MMRN2: variants seen among roughly 807,000 people sequenced by gnomAD.
The protein encoded by MMRN2 is multimerin-2.
Under a neutral mutation model 68.8 loss-of-function variants are expected in MMRN2, and 53 were observed. The ratio of observed to expected loss-of-function variants is 0.77; its 90% CI spans 0.62 to 0.97. The LOEUF (loss-of-function observed/expected upper bound fraction) is 0.97. MMRN2 is among the 50% of genes least tolerant of loss of function. MMRN2 has a pLI of 0.00. For missense variants in MMRN2, 1,266 were observed against 1,259.5 expected (o/e 1.01, Z -0.08); for synonymous variants, 564 against 551.6 (o/e 1.02, Z -0.32).
Position 86,936,611 on chromosome 10 carries a change from A to T in MMRN2, c.*132T>A. On this transcript the variant is annotated 3_prime_UTR_variant, in exon 7 of 7. Transcript: ENST00000372027. Reference sequence around the variant, plus strand: ...TGGTTACAGGGAAGCCACGTACACCACACCATCTTTGCAGAAGGTTTCCAG... The same window carrying T: ...TGGTTACAGGGAAGCCACGTACACCTCACCATCTTTGCAGAAGGTTTCCAG... The T allele has an allele frequency of 8.6e-7, 1 of 1,159,616 alleles. No individual in the cohort carries two copies. The highest frequency in any genetic ancestry group is 1.2e-6 in the Non-Finnish European group (1 of 810,712). 71.8% of individuals were successfully genotyped at this position (1,159,616 alleles called of 1,614,324 possible). A position where few individuals can be genotyped will look rare whatever the true frequency, so the allele number is the denominator to read the frequency against.
chr10:86,936,995 C>A lies in MMRN2; in HGVS notation c.2598G>T (p.Glu866Asp). 1.9e-6 allele frequency: 3 copies of A among 1,614,246 alleles called. No individual in the cohort carries two copies. The highest frequency in any genetic ancestry group is 1.7e-5 in the Admixed American group (1 of 60,030). The change falls in exon 7 of 7, where the codon GAG (glutamate) becomes GAT (aspartate). Residue 866 changes from glutamate (E) to aspartate (D), a missense_variant. Glu to Asp is a conservative substitution (Grantham distance 45). Transcript: ENST00000372027. Reference sequence around the variant, plus strand: ...TCACTGCAAACAGGTAGACACCACGCTCAGGGGCTCGGAAGTAGCCATGTT... The same window carrying A: ...TCACTGCAAACAGGTAGACACCACGATCAGGGGCTCGGAAGTAGCCATGTT... ...FPEHGYFRAP[E>D]RGVYLFAVSV...
Position 86,943,976 on chromosome 10 carries a change from G to A in MMRN2, c.808C>T (p.Arg270Cys), listed in dbSNP as rs761816310. 1.2e-5 allele frequency: 20 copies of A among 1,614,008 alleles called. No homozygotes were observed. The East Asian group carries it at 3.1e-4, about 25-fold the overall frequency. Residue 270 changes from arginine (R) to cysteine (C), a missense_variant, in exon 6 of 7, where the codon CGC (arginine) becomes TGC (cysteine). Transcript: ENST00000372027. This position sits in a 1 kb window ranked among gnomAD's most constrained non-coding sequence, Gnocchi z 4.2. ...RNLSLDVEAN[R>C]QAISRVQDSA... ...TCCTGGACTCTGGAGATGGCCTGGC[G>A]GTTGGCCTCCACGTCAAGAGACAGG... is the stretch of plus-strand genomic sequence containing the variant.
In MMRN2 at chr10:86,939,806, GGTGTGTGT is replaced by G. The variant is rs769816445; in HGVS notation, c.2467+2503_2467+2510del. 1.7e-3 allele frequency among the ~76,000 whole-genome samples: 243 copies of G among 146,700 alleles called. 1 individual carries two copies. In the South Asian group the frequency reaches 0.034, roughly 20 times the overall value. Reference sequence around the variant, plus strand: ...TACAAACAAATAAAGGGAAATTTGGGGTGTGTGTGTGTGTGTGTGTGTGTGTGTGTGTT... The same window carrying G: ...TACAAACAAATAAAGGGAAATTTGGGGTGTGTGTGTGTGTGTGTGTGTGTT... On this transcript the variant is annotated intron_variant, in intron 6 of 6. Transcript: ENST00000372027.
At chr10:86,937,742 C>T (rs1159638020) in intron 6 of MMRN2, among the ~76,000 whole-genome samples, 5 of 152,126 alleles carry the variant, frequency 3.3e-5, no homozygotes, top group East Asian at 1.9e-4. Flanking sequence ...GACTCCCAGA[C>T]GACCACCACT....
In MMRN2 at chr10:86,953,654, C is replaced by T. The variant is rs548400747; in HGVS notation, c.164+3724G>A. Among the ~76,000 whole-genome samples the T allele has an allele frequency of 7.9e-5, 12 of 152,314 alleles. No individual in the cohort carries two copies. The South Asian group carries it at 1.9e-3, about 24-fold the overall frequency. ...GGGCCCAAAGATGCTGCCAAATACCCTACAATGCATAGGACATCTCCACAC... is the reference window on the plus strand; with the variant it reads ...GGGCCCAAAGATGCTGCCAAATACCTTACAATGCATAGGACATCTCCACAC... On this transcript the variant is annotated intron_variant, in intron 1 of 6. Coordinates refer to ENST00000372027, the MANE Select transcript of MMRN2 (RefSeq NM_024756.3).
rs1389687341 is a variant in MMRN2 at position 86,944,319 on chromosome 10, T to C, written c.598A>G (p.Lys200Glu). The C allele has an allele frequency of 1.1e-5, 17 of 1,613,752 alleles. No individual in the cohort carries two copies. Among genetic ancestry groups the C allele is most frequent in the Non-Finnish European group, 1.4e-5 (16 of 1,179,868 alleles). The change falls in exon 5 of 7, where the codon AAA becomes GAA. Residue 200 changes from lysine (K) to glutamate (E), a missense_variant. By Grantham distance (56) the Lys-to-Glu change is moderately conservative (BLOSUM62 1). Transcript: ENST00000372027. ...GCTGTGAGGTTACCAGGCAGGGCTT[T>C]CCACAGGCCTGGCAGGCTGTCTGCC... Reference protein sequence around the residue: ...RVADSLPGLWKALPGNLTAAV... With the variant: ...RVADSLPGLWEALPGNLTAAV...
In MMRN2 at chr10:86,943,005, G is replaced by T; in HGVS notation, c.1779C>A (p.His593Gln). 2 of 1,419,744 alleles carry T rather than the reference G, an allele frequency of 1.4e-6. No individual in the cohort carries two copies. The highest frequency in any genetic ancestry group is 1.8e-6 in the Non-Finnish European group (2 of 1,086,774). 87.9% of individuals were successfully genotyped at this position (1,419,744 alleles called of 1,614,324 possible). A position where few individuals can be genotyped will look rare whatever the true frequency, so the allele number is the denominator to read the frequency against. The change falls in exon 6 of 7, where the codon CAC becomes CAA. Residue 593 changes from histidine (H) to glutamine (Q), a missense_variant. His to Gln is a conservative substitution (Grantham distance 24, BLOSUM62 0). Transcript: ENST00000372027. The surrounding 1 kb of genome is among the most constrained non-coding windows in gnomAD (Gnocchi z 4.2). ...AEARHEVRQL[H>Q]SAFAALLEDA... ...CCTCCAGCAGGGCGGCGAAGGCGCT[G>T]TGCAGCTGGCGCACCTCGTGGCGGG...
At chr10:86,941,466 A>C (rs1344283018) in intron 6 of MMRN2, among the ~76,000 whole-genome samples, 1 of 152,150 alleles carries the variant, frequency 6.6e-6, no homozygotes, top group Non-Finnish European at 1.5e-5. Context: ...ATCTTATTGT[A>C]CTGTACTCAC....
chr10:86,954,562 A>G (rs73353629), intron 1 of MMRN2, among the ~76,000 whole-genome samples: 1,636 of 152,286 alleles, frequency 0.011, 32 homozygotes, highest in African/African-American at 0.037. Context: ...ACGCCCTCCC[A>G]GGGGCCCTCA....
rs1195574441 is a variant in MMRN2 at position 86,943,662 on chromosome 10, G to A, written c.1122C>T (p.Gly374=). The A allele has an allele frequency of 6.2e-7, 1 of 1,612,052 alleles. No individual in the cohort carries two copies. The highest frequency in any genetic ancestry group is 8.5e-7 in the Non-Finnish European group (1 of 1,179,988). ...PEPDSLQARL[G]QLQRNLSELH... The stretch of plus-strand genomic sequence containing the variant: ...GCTCTGAGAGGTTCCTCTGCAGCTG[G>A]CCCAGCCTGGCCTGCAGGCTGTCCG... Residue 374 remains glycine (G), a synonymous_variant, in exon 6 of 7, where the codon GGC becomes GGT. Transcript: ENST00000372027. This position sits in a 1 kb window ranked among gnomAD's most constrained non-coding sequence, Gnocchi z 4.2.
chr10:86,945,387 G>T lies in MMRN2; in HGVS notation c.383C>A (p.Pro128His), dbSNP rs867141071. The T allele has an allele frequency of 1.3e-6, 2 of 1,589,140 alleles. No homozygotes were observed. The highest frequency in any genetic ancestry group is 2.3e-5 in the South Asian group (2 of 88,392). Reference protein sequence around the residue: ...AWRCCPGYTGPNCEHHDSMAI... With the variant: ...AWRCCPGYTGHNCEHHDSMAI... ...AGCCCTACCGTGGTGCTCGCAGTTG[G>T]GGCCCGTGTAGCCAGGGCAGCACCT... The change falls in exon 3 of 7, where the codon CCC (proline) becomes CAC (histidine). Residue 128 changes from proline to histidine, a missense_variant. Physicochemically the swap from Pro to His is moderately conservative, Grantham distance 77. Transcript: ENST00000372027.
intron 1 of MMRN2, among the ~76,000 whole-genome samples, chr10:86,951,879 C>A (rs1385264897): frequency 6.6e-6 from 1 of 152,012 alleles, no homozygotes; most frequent in East Asian, 1.9e-4. Flanking sequence ...ACAACCCTGT[C>A]TCTACAAAAA....
At chr10:86,955,086 G>T (rs1012932427) in intron 1 of MMRN2, among the ~76,000 whole-genome samples, 1 of 152,220 alleles carries the variant, frequency 6.6e-6, no homozygotes, top group African/African-American at 2.4e-5. Context: ...GGGGGGACAG[G>T]ACAGCCTGGG....
Position 86,942,295 on chromosome 10 carries a change from TCTCCC to T in MMRN2, c.2467+17_2467+21del. On this transcript the variant is annotated intron_variant, in intron 6 of 6. Transcript: ENST00000372027. ...GCCCTGGCCTCCTAGGCTCGTCCAG[TCTCCC>T]CAGCCCAGGAACTCACCTGCCTCCC... 6.3e-7 allele frequency: 1 copy of T among 1,580,180 alleles called. No individual in the cohort carries two copies. Among genetic ancestry groups the T allele is most frequent in the East Asian group, 2.3e-5 (1 of 44,360 alleles).
At chr10:86,938,354 T>A (rs959857884) in intron 6 of MMRN2, among the ~76,000 whole-genome samples, 1 of 152,260 alleles carries the variant, frequency 6.6e-6, no homozygotes, top group Non-Finnish European at 1.5e-5. Flanking sequence ...TCTAGACTTC[T>A]GGTTCTCTGC....
chr10:86,950,508 C>A (rs1357214861), intron 1 of MMRN2, among the ~76,000 whole-genome samples: 1 of 152,070 alleles, frequency 6.6e-6, no homozygotes, highest in Non-Finnish European at 1.5e-5. Flanking sequence ...CAGAGAAAAT[C>A]AAGAAAGAGA....
chr10:86,942,978 GTC>G lies in MMRN2; in HGVS notation c.1804_1805del (p.Asp602ArgfsTer22), dbSNP rs1843999020. On this transcript the variant is annotated frameshift_variant, in exon 6 of 7. Transcript: ENST00000372027. LOFTEE classifies it high-confidence loss of function. ...LHSAFAALLE[D>X]ALRHEAVLAA... ...CCAGCACCGCCTCGTGCCGCAGCGC[GTC>G]CTCCAGCAGGGCGGCGAAGGCGCTG... is the stretch of plus-strand genomic sequence containing the variant. The G allele has an allele frequency of 1.3e-6, 2 of 1,483,660 alleles. No individual in the cohort carries two copies. The highest frequency in any genetic ancestry group is 1.8e-4 in the Middle Eastern group (1 of 5,644). The allele number at this position is 1,483,660 out of a possible 1,614,324, so 91.9% of individuals were successfully genotyped here. A position where few individuals can be genotyped will look rare whatever the true frequency, so the allele number is the denominator to read the frequency against.
chr10:86,936,859 C>T lies in MMRN2; in HGVS notation c.2734G>A (p.Ala912Thr), dbSNP rs923339617. The stretch of plus-strand genomic sequence containing the variant: ...TCACCCTTCTGCAGCTCAGCCATGG[C>T]AAAGACCGTTGCTGTGCTTCCACTC... Reference protein sequence around the residue: ...QGSGSTATVFAMAELQKGERV... With the variant: ...QGSGSTATVFTMAELQKGERV... Residue 912 changes from alanine (A) to threonine (T), a missense_variant, in exon 7 of 7, where the codon GCC becomes ACC. Transcript: ENST00000372027. 5.6e-6 allele frequency: 9 copies of T among 1,614,100 alleles called. No homozygotes were observed. Among genetic ancestry groups the T allele is most frequent in the Non-Finnish European group, 7.6e-6 (9 of 1,180,050 alleles).
chr10:86,943,118 G>T lies in MMRN2; in HGVS notation c.1666C>A (p.Arg556=). 1.3e-6 allele frequency: 2 copies of T among 1,527,118 alleles called. No individual in the cohort carries two copies. Among genetic ancestry groups the T allele is most frequent in the African/African-American group, 1.4e-5 (1 of 72,266 alleles). The allele number at this position is 1,527,118 out of a possible 1,614,324, so 94.6% of individuals were successfully genotyped here. A position where few individuals can be genotyped will look rare whatever the true frequency, so the allele number is the denominator to read the frequency against. ...AVDAHKAEGE[R]ARAATSRLRS... The stretch of plus-strand genomic sequence containing the variant: ...AGCCGCGACGTGGCCGCCCGCGCCC[G>T]CTCGCCCTCCGCTTTGTGCGCGTCC... The change falls in exon 6 of 7, where the codon CGG becomes AGG. Residue 556 remains arginine (R), a synonymous_variant. Coordinates refer to ENST00000372027, the MANE Select transcript of MMRN2 (RefSeq NM_024756.3). This position sits in a 1 kb window ranked among gnomAD's most constrained non-coding sequence, Gnocchi z 4.2.
Sources: allele counts gnomAD v4.1 joint callset (sites outside exome capture counted in the v4.1 genomes callset), GRCh38; gene constraint gnomAD v4.1.1; non-coding constraint Gnocchi (gnomAD v3.1); transcripts MANE v1.5; gene names NCBI Gene and HGNC (gene_info 2026-07-23, HGNC 2026-07-21).